The following ZCCHC7 variants were observed in gnomAD, a reference collection of about 807,000 sequenced individuals.
ZCCHC7 encodes zinc finger CCHC-type containing 7.
A neutral mutation model predicts 52.0 loss-of-function variants in ZCCHC7; 35 were observed. The observed-to-expected ratio is 0.67, with a 90% CI of 0.51 to 0.89. ZCCHC7 has a LOEUF of 0.89. ZCCHC7 is among the 40% of genes least tolerant of loss of function. The probability of loss-of-function intolerance (pLI) is 0.00; values close to 1 mark genes in which losing one functional copy is unlikely to be tolerated. For synonymous variants in ZCCHC7, 217 were observed against 221.5 expected (o/e 0.98, Z 0.18); for missense variants, 574 against 649.1 (o/e 0.88, Z 1.26).
At chr9:37,225,204 A>G (rs144006567) in intron 2 of ZCCHC7, among the ~76,000 whole-genome samples, 2,507 of 152,324 alleles carry the variant, frequency 0.016, 34 homozygotes, top group Non-Finnish European at 0.028. Context: ...TGGAAAATCA[A>G]TAAATTCAAT....
chr9:37,278,635 A>C (rs1827803624), intron 2 of ZCCHC7, among the ~76,000 whole-genome samples: 1 of 152,240 alleles, frequency 6.6e-6, no homozygotes, highest in Admixed American at 6.5e-5. Context: ...GTAATTGTAC[A>C]TATTGAAGAG....
At chr9:37,325,861 A>G (rs1259205287) in intron 5 of ZCCHC7, among the ~76,000 whole-genome samples, 1 of 152,220 alleles carries the variant, frequency 6.6e-6, no homozygotes, top group Admixed American at 6.5e-5. Flanking sequence ...CATGTCTCTC[A>G]CTACTAATTT....
chr9:37,269,637 A>AC (rs1439064885), intron 2 of ZCCHC7, among the ~76,000 whole-genome samples: 6 of 149,312 alleles, frequency 4.0e-5, no homozygotes, highest in African/African-American at 1.5e-4. Flanking sequence ...AAAAAAAAAA[A>AC]AAAAAAAAAC....
intron 6 of ZCCHC7, among the ~76,000 whole-genome samples, chr9:37,331,327 G>A (rs372424803): frequency 1.3e-5 from 2 of 151,540 alleles, no homozygotes; most frequent in East Asian, 3.9e-4. Flanking sequence ...TAAACCATAA[G>A]TAACAATATT....
At chr9:37,349,626 A>G (rs1821242927) in intron 7 of ZCCHC7, among the ~76,000 whole-genome samples, 174 bp downstream of exon 7, 1 of 152,230 alleles carries the variant, frequency 6.6e-6, no homozygotes, top group Admixed American at 6.5e-5. Flanking sequence ...GTAACAAGCT[A>G]TCAGAGCATA....
chr9:37,185,022 A>G lies in ZCCHC7; in HGVS notation c.610+58080A>G, dbSNP rs575297552. Among the ~76,000 whole-genome samples, 24 of 152,166 alleles carry G rather than the reference A, an allele frequency of 1.6e-4. 1 individual carries two copies. The highest frequency in any genetic ancestry group is 1.5e-3 in the South Asian group (7 of 4,816). On this transcript the variant is annotated intron_variant, in intron 2 of 8. Transcript: ENST00000336755. ...ACCTACCTGATTTCTGGATGTGCCT[A>G]TTGGAACTTGCTGAGATCTTTTTTT... is the stretch of plus-strand genomic sequence containing the variant.
At chr9:37,232,307 A>T (rs550375783) in intron 2 of ZCCHC7, among the ~76,000 whole-genome samples, 1 of 152,244 alleles carries the variant, frequency 6.6e-6, no homozygotes, top group Non-Finnish European at 1.5e-5. Context: ...TCTAAATTCT[A>T]TAGTCTTAAG....
chr9:37,257,442 A>G (rs1826644922), intron 2 of ZCCHC7, among the ~76,000 whole-genome samples: 1 of 152,194 alleles, frequency 6.6e-6, no homozygotes, highest in African/African-American at 2.4e-5. Context: ...ACAACATATC[A>G]CAGCAGATTA....
intron 2 of ZCCHC7, among the ~76,000 whole-genome samples, chr9:37,281,193 A>G (rs991980292): frequency 2.0e-5 from 3 of 152,138 alleles, no homozygotes; most frequent in Non-Finnish European, 4.4e-5. Flanking sequence ...TTTTTAAATT[A>G]TTTGTAGAGA....
chr9:37,190,746 G>A (rs1822972984), intron 2 of ZCCHC7, among the ~76,000 whole-genome samples: 1 of 152,242 alleles, frequency 6.6e-6, no homozygotes, highest in South Asian at 2.1e-4. Context: ...GGCTGGGCAC[G>A]GTGGCTCACG....
chr9:37,120,208 C>A (rs746278145), upstream of ZCCHC7, among the ~76,000 whole-genome samples: 37 of 152,286 alleles, frequency 2.4e-4, 1 homozygote, highest in Admixed American at 2.0e-3. Context: ...GGAGCCCGGC[C>A]TCAACCTCGC....
At chr9:37,338,249 C>T (rs911242958) in intron 6 of ZCCHC7, among the ~76,000 whole-genome samples, 6 of 151,984 alleles carry the variant, frequency 3.9e-5, no homozygotes, top group African/African-American at 1.5e-4. Flanking sequence ...TTTTATAAAA[C>T]TCGTGCTTCT....
At chr9:37,207,665 T>TGTCG (rs1486750741) in intron 2 of ZCCHC7, among the ~76,000 whole-genome samples, 2 of 152,098 alleles carry the variant, frequency 1.3e-5, no homozygotes, top group African/African-American at 4.8e-5. Flanking sequence ...ATTTTCTGTT[T>TGTCG]GTCGGATCGG....
chr9:37,294,384 T>C (rs989365015), intron 2 of ZCCHC7, among the ~76,000 whole-genome samples: 2 of 152,178 alleles, frequency 1.3e-5, no homozygotes, highest in Admixed American at 1.3e-4. Context: ...ATGACATAAA[T>C]ATCTGGCAGC....
chr9:37,247,144 T>A (rs1826115847), intron 2 of ZCCHC7, among the ~76,000 whole-genome samples: 1 of 152,204 alleles, frequency 6.6e-6, no homozygotes, highest in Non-Finnish European at 1.5e-5. Flanking sequence ...AGTTCAAATT[T>A]TTTAGATAAC....
chr9:37,183,564 T>C (rs1019338458), intron 2 of ZCCHC7, among the ~76,000 whole-genome samples: 1 of 152,240 alleles, frequency 6.6e-6, no homozygotes, highest in East Asian at 1.9e-4. Context: ...CATAGCGTTG[T>C]TGATATTCAG....
At chr9:37,129,207 G>T (rs1378587324) in intron 2 of ZCCHC7, among the ~76,000 whole-genome samples, 1 of 152,172 alleles carries the variant, frequency 6.6e-6, no homozygotes, top group Non-Finnish European at 1.5e-5. Context: ...GGCACAATGT[G>T]GATAGGTTGG....
At chr9:37,349,018 C>A (rs1293192321) in intron 6 of ZCCHC7, among the ~76,000 whole-genome samples, 36 of 152,198 alleles carry the variant, frequency 2.4e-4, no homozygotes, top group Non-Finnish European at 4.4e-5. Flanking sequence ...CTTGTACATA[C>A]TACTGTCACT....
At chr9:37,152,845 A>G (rs1357966508) in intron 2 of ZCCHC7, among the ~76,000 whole-genome samples, 1 of 152,124 alleles carries the variant, frequency 6.6e-6, no homozygotes, top group African/African-American at 2.4e-5. Context: ...AAGTCACTAT[A>G]CACAGCCCAT....
Sources: gnomAD v4.1 joint callset for allele counts (sites outside exome capture counted in the v4.1 genomes callset) on GRCh38, gnomAD v4.1.1 for gene constraint, MANE v1.5 for transcripts, NCBI Gene and HGNC (gene_info 2026-07-23, HGNC 2026-07-21) for gene names.